Variants in LRRC61 observed in about 807,000 individuals in gnomAD.
LRRC61 encodes leucine-rich repeat-containing protein 61.
A neutral mutation model predicts 15.1 loss-of-function variants in LRRC61; 9 were observed. That is an observed-to-expected ratio of 0.60 (90% confidence interval 0.36 to 1.04). The LOEUF (loss-of-function observed/expected upper bound fraction) is 1.04, where lower values mean the gene tolerates loss of function less well. Among genes scored for constraint, LRRC61 ranks in the 50% least tolerant of loss-of-function variants. The pLI is 0.01. For missense variants in LRRC61, 344 were observed against 335.6 expected (o/e 1.03, Z -0.20); for synonymous variants, 173 against 158.6 (o/e 1.09, Z -0.68).
chr7:150,315,003 T>G, the LRRC61 span, among the ~76,000 whole-genome samples: 1 of 147,182 alleles, frequency 6.8e-6, no homozygotes, highest in Non-Finnish European at 1.5e-5. Context: ...TTATTAAATA[T>G]TATTAAATAA....
chr7:150,336,921 G>A lies in LRRC61; in HGVS notation c.60G>A (p.Leu20=). ...EAGGLQITPQ[L]LKSRTGEFSL... ...GCGGACTGCAGATCACACCCCAGCT[G>A]CTGAAGTCACGCACAGGCGAGTTCT... The change falls in exon 3 of 3, where the codon CTG becomes CTA. Residue 20 remains leucine, a synonymous_variant. Coordinates refer to ENST00000359623, the MANE Select transcript of LRRC61 (RefSeq NM_001142928.2). 2 of 1,613,694 alleles carry A rather than the reference G, an allele frequency of 1.2e-6. No homozygotes were observed. The highest frequency in any genetic ancestry group is 1.7e-6 in the Non-Finnish European group (2 of 1,180,018).
intron 2 of LRRC61, chr7:150,331,396 G>A (rs544276016): frequency 3.6e-5 from 13 of 360,602 alleles, no homozygotes; most frequent in Middle Eastern, 7.5e-4. Flanking sequence ...AGAGAGCTGG[G>A]TGTTGCATCC....
the LRRC61 span, among the ~76,000 whole-genome samples, chr7:150,311,432 C>T: frequency 4.6e-5 from 7 of 152,160 alleles, no homozygotes; most frequent in Non-Finnish European, 7.4e-5. Context: ...CTCCACTTAC[C>T]CTCTACAGTT....
Position 150,331,098 on chromosome 7 carries a change from C to G in LRRC61, c.-145+5088C>G, listed in dbSNP as rs551547810. The G allele has an allele frequency of 2.1e-5, 34 of 1,610,244 alleles. No homozygotes were observed. Among genetic ancestry groups the G allele is most frequent in the Admixed American group, 1.7e-4 (10 of 59,650 alleles). ...GCCACCATCTATCTGTCTTACCCCCCACAGGAGCCTTCTCTGAAAGCATCT... is the reference window on the plus strand; with the variant it reads ...GCCACCATCTATCTGTCTTACCCCCGACAGGAGCCTTCTCTGAAAGCATCT... On this transcript the variant is annotated intron_variant, in intron 2 of 2. Transcript: ENST00000359623.
upstream of LRRC61, among the ~76,000 whole-genome samples, chr7:150,320,973 T>C (rs190159849): frequency 2.6e-4 from 39 of 152,308 alleles, no homozygotes; most frequent in African/African-American, 9.4e-4. Context: ...ACTCACTCTT[T>C]GACTAAACTT....
At chr7:150,329,493 A>G (rs1356209866) in intron 2 of LRRC61, among the ~76,000 whole-genome samples, 1 of 151,880 alleles carries the variant, frequency 6.6e-6, no homozygotes, top group African/African-American at 2.4e-5. Context: ...CCCCAGCCAC[A>G]CTCTCTGCCT....
At chr7:150,334,713 A>G (rs1203589082) in intron 2 of LRRC61, among the ~76,000 whole-genome samples, 3 of 152,160 alleles carry the variant, frequency 2.0e-5, no homozygotes, top group Admixed American at 1.3e-4. Flanking sequence ...CCTGCATTTC[A>G]CATGTCTGAG....
chr7:150,323,486 G>T lies in LRRC61; in HGVS notation c.-389G>T, dbSNP rs1797788200. 1 of 418,494 alleles carries T rather than the reference G, an allele frequency of 2.4e-6. No individual in the cohort carries two copies. The highest frequency in any genetic ancestry group is 4.7e-6 in the Non-Finnish European group (1 of 212,330). The allele number at this position is 418,494 out of a possible 1,614,324, so 25.9% of individuals were successfully genotyped here. A position where few individuals can be genotyped will look rare whatever the true frequency, so the allele number is the denominator to read the frequency against. On this transcript the variant is annotated 5_prime_UTR_variant, in exon 1 of 3. Coordinates refer to ENST00000359623, the MANE Select transcript of LRRC61 (RefSeq NM_001142928.2). ...GCTCTTACCTGCCGAGGAGGCGCCG[G>T]CTCTGCGGTGCGGAGTTGCGCCGGA...
the LRRC61 span, among the ~76,000 whole-genome samples, chr7:150,317,954 G>A: frequency 6.6e-6 from 1 of 152,156 alleles, no homozygotes; most frequent in East Asian, 1.9e-4. Context: ...TGTCTCACAA[G>A]AGGGTGTTAA....
rs1390561915 is a variant in LRRC61, at chr7:150,335,210, A to G, written c.-144-1508A>G. Among the ~76,000 whole-genome samples, 1 of 151,932 alleles carries G rather than the reference A, an allele frequency of 6.6e-6. No homozygotes were observed. Among genetic ancestry groups the G allele is most frequent in the Non-Finnish European group, 1.5e-5 (1 of 67,984 alleles). The stretch of plus-strand genomic sequence containing the variant: ...GCCTGGTGCTCCTCCTGCACCCCCC[A>G]CGTTAGGGGCCAGAGCAGCTTTAAT... On this transcript the variant is annotated intron_variant, in intron 2 of 2. Transcript: ENST00000359623. This position sits in a 1 kb window ranked among gnomAD's most constrained non-coding sequence, Gnocchi z 4.3.
At chr7:150,312,834 G>C in the LRRC61 span, among the ~76,000 whole-genome samples, 2 of 152,158 alleles carry the variant, frequency 1.3e-5, no homozygotes, top group African/African-American at 4.8e-5. Flanking sequence ...CCTCTGAGCT[G>C]AAGCTCAGCC....
rs1205211206 is a variant in LRRC61 at position 150,335,839 on chromosome 7, C to G, written c.-144-879C>G. 6.6e-6 allele frequency among the ~76,000 whole-genome samples: 1 copy of G among 152,238 alleles called. No homozygotes were observed. Among genetic ancestry groups the G allele is most frequent in the African/African-American group, 2.4e-5 (1 of 41,462 alleles). On this transcript the variant is annotated intron_variant, in intron 2 of 2. Transcript: ENST00000359623. This position sits in a 1 kb window ranked among gnomAD's most constrained non-coding sequence, Gnocchi z 4.3. ...GTCATGCGCTGGCACCTGGACTCACCTGGTCCTGCAGCCCCTGGCAATTTG... is the reference window on the plus strand; with the variant it reads ...GTCATGCGCTGGCACCTGGACTCACGTGGTCCTGCAGCCCCTGGCAATTTG...
At position 150,330,819 on chromosome 7, in the gene LRRC61, A is replaced by C. The variant is rs1798084405; in HGVS notation, c.-145+4809A>C. ...CGTGGACCCCACCAGGGTAGCCAAG[A>C]GCTCCGGGGTGGAGGGGAGAAGCCA... On this transcript the variant is annotated intron_variant, in intron 2 of 2. Coordinates refer to ENST00000359623, the MANE Select transcript of LRRC61 (RefSeq NM_001142928.2). This position sits in a 1 kb window ranked among gnomAD's most constrained non-coding sequence, Gnocchi z 4.6. The C allele has an allele frequency of 6.2e-6, 10 of 1,610,172 alleles. No homozygotes were observed. The highest frequency in any genetic ancestry group is 7.6e-6 in the Non-Finnish European group (9 of 1,177,712).
Position 150,337,109 on chromosome 7 carries a change from C to T in LRRC61, c.248C>T (p.Ser83Phe). Residue 83 changes from serine (S) to phenylalanine (F), a missense_variant, in exon 3 of 3, where the codon TCC (serine) becomes TTC (phenylalanine). Coordinates refer to ENST00000359623, the MANE Select transcript of LRRC61 (RefSeq NM_001142928.2). The part of the protein sequence containing the change: ...SLRQLAVLNV[S>F]NNRLTGLEPL... ...CGCCAGCTAGCTGTGCTCAATGTCT[C>T]CAACAATCGGCTGACGGGCCTGGAG... The T allele has an allele frequency of 1.2e-6, 2 of 1,612,570 alleles. No homozygotes were observed. Among genetic ancestry groups the T allele is most frequent in the South Asian group, 1.1e-5 (1 of 91,080 alleles).
intron 1 of LRRC61, 97 bp downstream of exon 1, chr7:150,323,657 C>T (rs1338553637): frequency 8.8e-6 from 4 of 455,768 alleles, no homozygotes; most frequent in South Asian, 6.2e-5. Flanking sequence ...GCGGTGCCCT[C>T]GCGCCGAAAC....
upstream of LRRC61, chr7:150,323,278 G>A (rs148770750): frequency 4.8e-5 from 12 of 247,672 alleles, no homozygotes; most frequent in Non-Finnish European, 8.8e-5. Flanking sequence ...CTGCGCTTCC[G>A]GAAGTAACCC....
rs529424126 is a variant in LRRC61, at chr7:150,324,626, C to T, written c.-315+1066C>T. ...ACTCCAGGACTTGCCTGCTACCAGA[C>T]CCATCCTACTTTCTCTGTCAGGAAA... On this transcript the variant is annotated intron_variant, in intron 1 of 2. Transcript: ENST00000359623. Among the ~76,000 whole-genome samples the T allele has an allele frequency of 1.2e-4, 18 of 152,314 alleles. No individual in the cohort carries two copies. The South Asian group carries it at 1.9e-3, about 16-fold the overall frequency.
chr7:150,309,832 C>T, the LRRC61 span, among the ~76,000 whole-genome samples: 1 of 152,168 alleles, frequency 6.6e-6, no homozygotes, highest in African/African-American at 2.4e-5. Flanking sequence ...ACTGATGCTG[C>T]CCGATCACCT....
At position 150,337,406 on chromosome 7, in the gene LRRC61, C is replaced by G. The variant is rs1338724301; in HGVS notation, c.545C>G (p.Ser182Cys). 6.2e-7 allele frequency: 1 copy of G among 1,605,686 alleles called. No individual in the cohort carries two copies. Among genetic ancestry groups the G allele is most frequent in the South Asian group, 1.1e-5 (1 of 91,086 alleles). ...FYQLCRDLDSSLRPSSSPGPR... is the reference protein window; with the variant it reads ...FYQLCRDLDSCLRPSSSPGPR... Reference sequence around the variant, plus strand: ...CAGCTGTGCCGAGACCTGGACAGCTCCTTGCGTCCCAGCTCCAGTCCAGGC... The same window carrying G: ...CAGCTGTGCCGAGACCTGGACAGCTGCTTGCGTCCCAGCTCCAGTCCAGGC... The change falls in exon 3 of 3, where the codon TCC becomes TGC. Residue 182 changes from serine to cysteine, a missense_variant. Physicochemically the swap from Ser to Cys is moderately radical, Grantham distance 112 (BLOSUM62 -1). Coordinates refer to ENST00000359623, the MANE Select transcript of LRRC61 (RefSeq NM_001142928.2).
Sources: gnomAD v4.1 joint callset for allele counts (sites outside exome capture counted in the v4.1 genomes callset) on GRCh38, gnomAD v4.1.1 for gene constraint, Gnocchi (gnomAD v3.1) non-coding constraint, MANE v1.5 for transcripts, NCBI Gene and HGNC (gene_info 2026-07-23, HGNC 2026-07-21) for gene names.